C11orf54: variants seen among roughly 807,000 people sequenced by gnomAD.
C11orf54 encodes the protein beta-keto L-gulonate decarboxylase.
Under a neutral mutation model 35.5 loss-of-function variants are expected in C11orf54, and 29 were observed. That is an observed-to-expected ratio of 0.82 (90% confidence interval 0.61 to 1.11). The LOEUF (loss-of-function observed/expected upper bound fraction) is 1.11, where lower values mean the gene tolerates loss of function less well. Among genes scored for constraint, C11orf54 ranks in the 50% most tolerant of loss-of-function variants. The pLI is 0.00. For missense variants in C11orf54, 373 were observed against 369.2 expected (o/e 1.01, Z -0.08); for synonymous variants, 108 against 121.1 (o/e 0.89, Z 0.71).
Position 93,761,873 on chromosome 11 carries a change from C to A in C11orf54, c.*185C>A. ...ACACTGGAGCCCAGGAGTTTGAGAC[C>A]AGCTTGGGCAACATAGCAAGACCCT... On this transcript the variant is annotated 3_prime_UTR_variant, in exon 9 of 9. Transcript: ENST00000354421. 1 of 450,240 alleles carries A rather than the reference C, an allele frequency of 2.2e-6. No homozygotes were observed. Among genetic ancestry groups the A allele is most frequent in the South Asian group, 6.6e-5 (1 of 15,208 alleles). The allele number at this position is 450,240 out of a possible 1,614,324, so 27.9% of individuals were successfully genotyped here. A position where few individuals can be genotyped will look rare whatever the true frequency, so the allele number is the denominator to read the frequency against.
intron 5 of C11orf54, chr11:93,754,923 A>G (rs534375488): frequency 1.0e-4 from 20 of 192,156 alleles, no homozygotes; most frequent in Admixed American, 6.8e-4. Context: ...TAGTAGAGAC[A>G]GGTTTTCACC....
At chr11:93,757,060 TCA>T (rs1474423321) in intron 6 of C11orf54, among the ~76,000 whole-genome samples, 1 of 152,122 alleles carries the variant, frequency 6.6e-6, no homozygotes, top group Non-Finnish European at 1.5e-5. Context: ...CTTGTCTTTC[TCA>T]GTTTCTCAGT....
intron 3 of C11orf54, among the ~76,000 whole-genome samples, chr11:93,750,685 A>G (rs748673110): frequency 4.6e-5 from 7 of 152,226 alleles, no homozygotes; most frequent in Non-Finnish European, 1.5e-5. Flanking sequence ...TAGAATAGAT[A>G]TCCAATAGGT....
rs758852457 is a variant in C11orf54 at position 93,757,480 on chromosome 11, G to A, written c.657+15G>A. 64 of 1,591,688 alleles carry A rather than the reference G, an allele frequency of 4.0e-5. No individual in the cohort carries two copies. Among genetic ancestry groups the A allele is most frequent in the Non-Finnish European group, 5.1e-5 (60 of 1,177,342 alleles). On this transcript the variant is annotated intron_variant, in intron 7 of 8. Transcript: ENST00000354421. ...CTCACATTATGGTAAGAGCCCATGTGTGCATACATGCATGAAGGAGTTTGT... is the reference window on the plus strand; with the variant it reads ...CTCACATTATGGTAAGAGCCCATGTATGCATACATGCATGAAGGAGTTTGT...
intron 1 of C11orf54, among the ~76,000 whole-genome samples, chr11:93,745,164 A>G (rs1942389517): frequency 6.6e-6 from 1 of 152,192 alleles, no homozygotes; most frequent in African/African-American, 2.4e-5. Flanking sequence ...ACACGGAGAC[A>G]TTCTGTTCCC....
At position 93,759,722 on chromosome 11, in the gene C11orf54, GTAAT is replaced by G; in HGVS notation, c.658-17_658-14del. On this transcript the variant is annotated splice_polypyrimidine_tract_variant and intron_variant, in intron 7 of 8. Coordinates refer to ENST00000354421, the MANE Select transcript of C11orf54 (RefSeq NM_001286069.2). ...AGTAATATTCAGTATGTTTACCTAT[GTAAT>G]TATCTTTTGTTGTAGCCTGCAGAAT... is the stretch of plus-strand genomic sequence containing the variant. The G allele has an allele frequency of 7.3e-7, 1 of 1,370,428 alleles. No homozygotes were observed. Among genetic ancestry groups the G allele is most frequent in the Non-Finnish European group, 1.0e-6 (1 of 976,314 alleles). The allele number at this position is 1,370,428 out of a possible 1,614,324, so 84.9% of individuals were successfully genotyped here. A position where few individuals can be genotyped will look rare whatever the true frequency, so the allele number is the denominator to read the frequency against.
At chr11:93,748,817 C>G (rs112302221) in intron 2 of C11orf54, among the ~76,000 whole-genome samples, 1,966 of 144,274 alleles carry the variant, frequency 0.014, 41 homozygotes, top group African/African-American at 0.046. Flanking sequence ...ACCTGGGCAA[C>G]AACACGAGAC....
intron 8 of C11orf54, 56 bp downstream of exon 8, chr11:93,759,914 G>C: frequency 9.1e-7 from 1 of 1,101,070 alleles, no homozygotes; most frequent in South Asian, 1.7e-5. Context: ...TGATTTTTAG[G>C]ATAATCTTTA....
intron 7 of C11orf54, among the ~76,000 whole-genome samples, chr11:93,758,522 C>G (rs917424054): frequency 3.9e-4 from 59 of 152,366 alleles, no homozygotes; most frequent in Admixed American, 3.1e-3. Context: ...ACTGCTCTTA[C>G]AGGCTTGGAA....
At chr11:93,744,361 A>T (rs1437645887) in intron 1 of C11orf54, among the ~76,000 whole-genome samples, 1 of 152,226 alleles carries the variant, frequency 6.6e-6, no homozygotes, top group Non-Finnish European at 1.5e-5. Flanking sequence ...CAACTGACCT[A>T]ACTTTTTACT....
At chr11:93,757,287 A>T in intron 6 of C11orf54, 29 bp from the exon 7 acceptor site, 1 of 1,582,754 alleles carries the variant, frequency 6.3e-7, no homozygotes, top group Non-Finnish European at 8.5e-7. Flanking sequence ...CAGCATAGTC[A>T]ATGGTATGCA....
chr11:93,745,022 G>C (rs1942374848), intron 1 of C11orf54, among the ~76,000 whole-genome samples: 1 of 152,220 alleles, frequency 6.6e-6, no homozygotes, highest in Non-Finnish European at 1.5e-5. Context: ...AAGTAGGCTA[G>C]ATTCATGTTT....
intron 3 of C11orf54, 71 bp downstream of exon 3, chr11:93,750,515 G>A (rs1488707397): frequency 1.7e-6 from 2 of 1,204,770 alleles, no homozygotes; most frequent in African/African-American, 3.0e-5. Flanking sequence ...TTATTTTTAA[G>A]GACATCTTAA....
chr11:93,743,531 C>T lies in C11orf54; in HGVS notation c.-98+1803C>T, dbSNP rs553750633. ...GAACTCCAGTCACCCAGGCCTGCTG[C>T]GCTCCACCCTTTATGGGAGGGTGCG... is the stretch of plus-strand genomic sequence containing the variant. On this transcript the variant is annotated intron_variant, in intron 1 of 8. Coordinates refer to ENST00000354421, the MANE Select transcript of C11orf54 (RefSeq NM_001286069.2). Among the ~76,000 whole-genome samples the T allele has an allele frequency of 2.6e-5, 4 of 152,280 alleles. No individual in the cohort carries two copies. The East Asian group carries it at 5.8e-4, about 22-fold the overall frequency.
intron 6 of C11orf54, 25 bp downstream of exon 6, chr11:93,755,411 T>C (rs376163608): frequency 2.1e-4 from 331 of 1,605,356 alleles, no homozygotes; most frequent in Non-Finnish European, 2.6e-4. Context: ...AAAAATACAA[T>C]ATTCCCTAAA....
intron 2 of C11orf54, 129 bp downstream of exon 2, chr11:93,747,577 T>A: frequency 2.7e-6 from 1 of 370,056 alleles, no homozygotes; most frequent in Admixed American, 5.4e-5. Context: ...AATAATACTT[T>A]TGGTACAGAA....
In C11orf54 at chr11:93,762,279, G is replaced by T. The variant is rs2135689873; in HGVS notation, c.*591G>T. 6.6e-6 allele frequency: 1 copy of T among 152,140 alleles called. No homozygotes were observed. Among genetic ancestry groups the T allele is most frequent in the South Asian group, 2.1e-4 (1 of 4,822 alleles). The allele number at this position is 152,140 out of a possible 1,614,324, so 9.4% of individuals were successfully genotyped here. A position where few individuals can be genotyped will look rare whatever the true frequency, so the allele number is the denominator to read the frequency against. Reference sequence around the variant, plus strand: ...AGAAAAATCAGTGTTATTACCTGCAGGATATTAAAAAACATTTGAAAAAGA... The same window carrying T: ...AGAAAAATCAGTGTTATTACCTGCATGATATTAAAAAACATTTGAAAAAGA... On this transcript the variant is annotated 3_prime_UTR_variant, in exon 9 of 9. Coordinates refer to ENST00000354421, the MANE Select transcript of C11orf54 (RefSeq NM_001286069.2).
intron 7 of C11orf54, among the ~76,000 whole-genome samples, chr11:93,759,261 A>G (rs1467987567): frequency 6.6e-6 from 1 of 152,224 alleles, no homozygotes; most frequent in Non-Finnish European, 1.5e-5. Flanking sequence ...AACCAACTCA[A>G]ATGACTGGAT....
At chr11:93,759,541 A>T (rs185900597) in intron 7 of C11orf54, among the ~76,000 whole-genome samples, 2 of 152,290 alleles carry the variant, frequency 1.3e-5, no homozygotes, top group East Asian at 3.9e-4. Context: ...GAAATACCTA[A>T]TGTAGGTGAC....
Sources: allele counts gnomAD v4.1 joint callset (sites outside exome capture counted in the v4.1 genomes callset), GRCh38; gene constraint gnomAD v4.1.1; transcripts MANE v1.5; gene names NCBI Gene and HGNC (gene_info 2026-07-23, HGNC 2026-07-21).